The following HIVEP3 variants were observed in gnomAD, a reference collection of about 807,000 sequenced individuals.
The protein encoded by HIVEP3 is HIVEP zinc finger 3.
Under a neutral mutation model 152.8 loss-of-function variants are expected in HIVEP3, and 49 were observed. That is an observed-to-expected ratio of 0.32 (90% CI 0.26 to 0.41). The LOEUF is 0.41. Ranked by LOEUF, HIVEP3 falls within the 10% of genes least tolerant of loss-of-function variation. The pLI is 1.00. For missense variants in HIVEP3, 2,790 were observed against 3,103.3 expected (o/e 0.90, Z 2.40); for synonymous variants, 1,269 against 1,289.0 (o/e 0.98, Z 0.33).
chr1:41,759,065 A>G lies in HIVEP3; in HGVS notation c.-800-58070T>C, dbSNP rs555656940. On this transcript the variant is annotated intron_variant, in intron 1 of 8. Transcript: ENST00000372583. ...GGTCCAGAACTTTTTGATGACTCAA[A>G]TGGAAATTCCATAATCATTAGCAGT... Among the ~76,000 whole-genome samples, 4 of 152,222 alleles carry G rather than the reference A, an allele frequency of 2.6e-5. No individual in the cohort carries two copies. The South Asian group carries it at 6.2e-4, about 24-fold the overall frequency.
intron 6 of HIVEP3, among the ~76,000 whole-genome samples, chr1:41,522,056 C>T (rs1282986093): frequency 6.6e-6 from 1 of 152,238 alleles, no homozygotes; most frequent in Non-Finnish European, 1.5e-5. Flanking sequence ...CAGACAGAGA[C>T]AGACAGGAAG....
At chr1:41,807,336 T>TA (rs1650692860) in intron 1 of HIVEP3, among the ~76,000 whole-genome samples, 2 of 152,034 alleles carry the variant, frequency 1.3e-5, no homozygotes, top group South Asian at 4.1e-4. Flanking sequence ...CTGTTAGGCC[T>TA]TGAGGTAGAT....
intron 2 of HIVEP3, among the ~76,000 whole-genome samples, chr1:41,646,571 C>T (rs1232318600): frequency 6.6e-6 from 1 of 152,182 alleles, no homozygotes; most frequent in Non-Finnish European, 1.5e-5. Flanking sequence ...TCTATGACCA[C>T]TTTCTTACTT....
chr1:41,726,383 G>A (rs1646752612), intron 1 of HIVEP3, among the ~76,000 whole-genome samples: 1 of 152,216 alleles, frequency 6.6e-6, no homozygotes, highest in Non-Finnish European at 1.5e-5. Context: ...AAGCAGGCAT[G>A]AAGGGGGCTG....
At chr1:41,731,390 T>G (rs1646837416) in intron 1 of HIVEP3, among the ~76,000 whole-genome samples, 1 of 152,106 alleles carries the variant, frequency 6.6e-6, no homozygotes, top group East Asian at 1.9e-4. Flanking sequence ...ACACTCAGGG[T>G]GAGCAGTCCA....
At chr1:41,702,667 G>A (rs964897742) in intron 1 of HIVEP3, among the ~76,000 whole-genome samples, 2 of 152,102 alleles carry the variant, frequency 1.3e-5, no homozygotes, top group African/African-American at 4.8e-5. Flanking sequence ...TTCTCCTCCT[G>A]GCCTGTGAGC....
chr1:41,824,784 T>TATATATATATATAG (rs1553266584), intron 1 of HIVEP3, among the ~76,000 whole-genome samples: 1 of 11,396 alleles, frequency 8.8e-5, no homozygotes, highest in Non-Finnish European at 1.6e-4. Context: ...TATATATATA[T>TATATATATATATAG]AGAGAGAGAG....
rs2149149520 is a variant in HIVEP3 at position 41,628,816 on chromosome 1, T to C, written c.-589A>G. On this transcript the variant is annotated 5_prime_UTR_variant, in exon 3 of 9. It removes an upstream start codon present in the reference 5' UTR. Transcript: ENST00000372583. ...TGTTCTCTCTGAAAGCCAGCATTCA[T>C]GTCCACTCCTACGGCAGCCACCCTC... 2.4e-6 allele frequency: 3 copies of C among 1,231,718 alleles called. No individual in the cohort carries two copies. In the East Asian group the frequency reaches 9.5e-5, roughly 39 times the overall value. 76.3% of individuals were successfully genotyped at this position (1,231,718 alleles called of 1,614,324 possible).
At chr1:41,911,265 C>T (rs931105459) in intron 1 of HIVEP3, among the ~76,000 whole-genome samples, 6 of 151,954 alleles carry the variant, frequency 3.9e-5, no homozygotes, top group Admixed American at 1.3e-4. Context: ...AGATACTGAC[C>T]CTCTTTAGTA....
At chr1:42,025,760 T>C (rs1367552453) in intron 1 of HIVEP3, among the ~76,000 whole-genome samples, 1 of 152,080 alleles carries the variant, frequency 6.6e-6, no homozygotes, top group South Asian at 2.1e-4. Flanking sequence ...TGAGGTGACA[T>C]AAAACCATCC....
At chr1:41,824,784 T>TATATATAG (rs1553266584) in intron 1 of HIVEP3, among the ~76,000 whole-genome samples, 9 of 11,378 alleles carry the variant, frequency 7.9e-4, no homozygotes, top group Non-Finnish European at 1.1e-3. Flanking sequence ...TATATATATA[T>TATATATAG]AGAGAGAGAG....
intron 3 of HIVEP3, among the ~76,000 whole-genome samples, chr1:41,602,632 CT>C (rs952158474): frequency 6.6e-6 from 1 of 151,576 alleles, no homozygotes; most frequent in Non-Finnish European, 1.5e-5. Flanking sequence ...CTCTTTTTTT[CT>C]AGCATAGCTA....
chr1:41,692,534 T>C (rs1461730837), intron 2 of HIVEP3, among the ~76,000 whole-genome samples: 1 of 152,194 alleles, frequency 6.6e-6, no homozygotes, highest in Non-Finnish European at 1.5e-5. Context: ...ACTGATCAGC[T>C]GAGAAAAACA....
intron 2 of HIVEP3, among the ~76,000 whole-genome samples, chr1:41,661,804 G>C (rs1156228440): frequency 6.6e-6 from 1 of 152,232 alleles, no homozygotes; most frequent in African/African-American, 2.4e-5. Flanking sequence ...GGCTGTGCAC[G>C]CCAACGGCCG....
chr1:41,515,431 G>A (rs1157683361), intron 7 of HIVEP3, among the ~76,000 whole-genome samples: 3 of 152,190 alleles, frequency 2.0e-5, no homozygotes, highest in African/African-American at 7.2e-5. Context: ...GAAGGATTAG[G>A]ATGAGAGCAG....
rs528886895 is a variant in HIVEP3, at chr1:41,752,609, A to G, written c.-800-51614T>C. Among the ~76,000 whole-genome samples the G allele has an allele frequency of 1.3e-3, 197 of 152,346 alleles. 1 individual carries two copies. The highest frequency in any genetic ancestry group is 0.01 in the Middle Eastern group (3 of 294). On this transcript the variant is annotated intron_variant, in intron 1 of 8. Coordinates refer to ENST00000372583, the MANE Select transcript of HIVEP3 (RefSeq NM_024503.5). ...GTATGGTTCCTGAACCCGGAGCATC[A>G]GCGTCATCTGGGAACTTGTTAAAAA...
At chr1:41,838,684 G>A (rs773470486) in intron 1 of HIVEP3, among the ~76,000 whole-genome samples, 2 of 152,004 alleles carry the variant, frequency 1.3e-5, no homozygotes, top group Admixed American at 6.6e-5. Flanking sequence ...CTACCTCTCC[G>A]AGCCTCAGTT....
intron 5 of HIVEP3, among the ~76,000 whole-genome samples, chr1:41,558,367 A>T (rs920653831): frequency 6.6e-6 from 1 of 152,198 alleles, no homozygotes; most frequent in African/African-American, 2.4e-5. Flanking sequence ...CGTAAGCTAC[A>T]ACCCTCAGGA....
chr1:42,014,099 T>A (rs1198829487), intron 1 of HIVEP3, among the ~76,000 whole-genome samples: 1 of 152,132 alleles, frequency 6.6e-6, no homozygotes, highest in Non-Finnish European at 1.5e-5. Context: ...AAAGGGGTTT[T>A]GTTTTGTTTT....
Sources: allele counts gnomAD v4.1 joint callset (sites outside exome capture counted in the v4.1 genomes callset), GRCh38; gene constraint gnomAD v4.1.1; transcripts MANE v1.5; gene names NCBI Gene and HGNC (gene_info 2026-07-23, HGNC 2026-07-21).